Variants in PCDH11X observed in about 807,000 individuals in gnomAD.
PCDH11X encodes the protein protocadherin-11 X-linked.
Under a neutral mutation model 53.3 loss-of-function variants are expected in PCDH11X, and 18 were observed. The ratio of observed to expected loss-of-function variants is 0.34; its 90% CI spans 0.23 to 0.50. The LOEUF (loss-of-function observed/expected upper bound fraction) is 0.50. Ranked by LOEUF, PCDH11X falls within the 20% of genes least tolerant of loss-of-function variation. PCDH11X has a pLI of 0.98. For synonymous variants in PCDH11X, 279 were observed against 393.3 expected, an observed-to-expected ratio of 0.71 and a Z score of 3.44; for missense variants, 570 against 1,032.4, an observed-to-expected ratio of 0.55 and a Z score of 6.14.
At chrX:92,165,483 C>T (rs1385670571) in intron 6 of PCDH11X, among the ~76,000 whole-genome samples, 11 of 111,524 alleles carry the variant, frequency 9.9e-5, no homozygotes, top group Non-Finnish European at 1.9e-5. Flanking sequence ...TTTTTCTTTG[C>T]TCTATTACAT....
At position 92,142,144 on chromosome X, in the gene PCDH11X, A is replaced by G. The variant is rs1180968515; in HGVS notation, c.3034-59231A>G. Among the ~76,000 whole-genome samples, 4 of 107,511 alleles carry G rather than the reference A, an allele frequency of 3.7e-5. No individual in the cohort carries two copies. The East Asian group carries it at 8.6e-4, about 23-fold the overall frequency. The allele number at this position is 107,511 out of a possible 115,157, so 93.4% of individuals were successfully genotyped here. A position where few individuals can be genotyped will look rare whatever the true frequency, so the allele number is the denominator to read the frequency against. The stretch of plus-strand genomic sequence containing the variant: ...TAGGTGCTTCAGGTAAACAAGTGCT[A>G]AATTATTATTATTATTTTTTTTTTT... On this transcript the variant is annotated intron_variant, in intron 6 of 10. Transcript: ENST00000682573.
intron 6 of PCDH11X, among the ~76,000 whole-genome samples, chrX:91,913,463 G>T (rs1287871294): frequency 1.8e-5 from 2 of 110,982 alleles, no homozygotes; most frequent in Non-Finnish European, 1.9e-5. Flanking sequence ...GAGCTATACT[G>T]CACAGCAGAG....
intron 7 of PCDH11X, among the ~76,000 whole-genome samples, chrX:92,233,267 A>G (rs368984081): frequency 9.0e-6 from 1 of 111,265 alleles, no homozygotes; most frequent in East Asian, 2.8e-4. Context: ...AGTACCTGGA[A>G]ACACATAGTC....
At chrX:92,176,023 CA>C (rs2065904655) in intron 6 of PCDH11X, among the ~76,000 whole-genome samples, 1 of 110,120 alleles carries the variant, frequency 9.1e-6, no homozygotes, top group South Asian at 3.9e-4. Context: ...AAAATGAAAC[CA>C]GAACACAAAC....
At chrX:92,174,500 A>G (rs1418960600) in intron 6 of PCDH11X, among the ~76,000 whole-genome samples, 2 of 111,692 alleles carry the variant, frequency 1.8e-5, no homozygotes, top group Non-Finnish European at 3.8e-5. Flanking sequence ...CATGGATATT[A>G]ATGGTATATG....
chrX:91,825,961 G>C (rs1421460637), intron 4 of PCDH11X, among the ~76,000 whole-genome samples: 13 of 108,341 alleles, frequency 1.2e-4, no homozygotes, highest in Non-Finnish European at 2.3e-4. Flanking sequence ...GTTGTCTTGA[G>C]AAACGTCTAA....
Position 92,331,560 on chromosome X carries a change from A to C in PCDH11X, c.3145-56175A>C, listed in dbSNP as rs1363139374. On this transcript the variant is annotated intron_variant, in intron 8 of 10. Transcript: ENST00000682573. ...TCGTTGGGAAAAAAATATGAATATA[A>C]AAAAGGAAATAGTATAGTCAATACA... is the stretch of plus-strand genomic sequence containing the variant. Among the ~76,000 whole-genome samples the C allele has an allele frequency of 3.4e-4, 37 of 109,168 alleles. 1 individual carries two copies. The highest frequency in any genetic ancestry group is 4.8e-3 in the Middle Eastern group (1 of 209). 94.8% of individuals were successfully genotyped at this position (109,168 alleles called of 115,157 possible). A position where few individuals can be genotyped will look rare whatever the true frequency, so the allele number is the denominator to read the frequency against.
At chrX:92,275,083 T>C (rs1252819656) in intron 8 of PCDH11X, among the ~76,000 whole-genome samples, 2 of 101,509 alleles carry the variant, frequency 2.0e-5, no homozygotes, top group African/African-American at 7.1e-5. Context: ...TTATGAGAAA[T>C]GTAGAGAGTG....
At chrX:92,418,744 A>G (rs2071877941) in intron 9 of PCDH11X, among the ~76,000 whole-genome samples, 1 of 108,341 alleles carries the variant, frequency 9.2e-6, no homozygotes, top group Non-Finnish European at 1.9e-5. Flanking sequence ...CACACACACC[A>G]CTATGCCTGG....
At position 92,618,510 on chromosome X, in the gene PCDH11X, T is replaced by C. The variant is rs375029962; in HGVS notation, c.3614T>C (p.Ile1205Thr). Residue 1205 changes from isoleucine (I) to threonine (T), a missense_variant, in exon 11 of 11, where the codon ATC (isoleucine) becomes ACC (threonine). Coordinates refer to ENST00000682573, the MANE Select transcript of PCDH11X (RefSeq NM_032968.5). ...CACAGCCCTCCAGTGACACAGACCA[T>C]CGCATTGTGCCACAGCCCACCACCG... ...LCHSPPVTQT[I>T]ALCHSPPPIQ... 25 of 1,209,223 alleles carry C rather than the reference T, an allele frequency of 2.1e-5. No homozygotes were observed. The African/African-American group carries it at 4.0e-4, about 20-fold the overall frequency.
At chrX:92,558,257 G>A (rs1349775831) in intron 10 of PCDH11X, among the ~76,000 whole-genome samples, 4 of 110,130 alleles carry the variant, frequency 3.6e-5, no homozygotes, top group Non-Finnish European at 7.6e-5. Context: ...CCATCATAAC[G>A]CAGGTTGAGT....
At chrX:92,276,386 G>A (rs1018262230) in intron 8 of PCDH11X, among the ~76,000 whole-genome samples, 1 of 109,348 alleles carries the variant, frequency 9.1e-6, no homozygotes, top group Non-Finnish European at 1.9e-5. Flanking sequence ...GAGTTCCAGG[G>A]GCTCTGGGAG....
chrX:91,973,748 G>T (rs1418903442), intron 6 of PCDH11X, among the ~76,000 whole-genome samples: 2 of 104,953 alleles, frequency 1.9e-5, no homozygotes, highest in Non-Finnish European at 3.9e-5. Context: ...CCAAGTAGCT[G>T]GGATTATAGG....
intron 6 of PCDH11X, among the ~76,000 whole-genome samples, chrX:91,936,439 C>T (rs1328977721): frequency 4.6e-5 from 5 of 109,169 alleles, no homozygotes; most frequent in African/African-American, 1.3e-4. Flanking sequence ...ACACATTTGA[C>T]CACTTGTAAT....
At chrX:92,222,500 C>A (rs2066900515) in intron 7 of PCDH11X, among the ~76,000 whole-genome samples, 1 of 111,568 alleles carries the variant, frequency 9.0e-6, no homozygotes, top group African/African-American at 3.3e-5. Context: ...GCATCCCGAT[C>A]TCCCTACAGT....
intron 10 of PCDH11X, among the ~76,000 whole-genome samples, chrX:92,489,447 CA>C (rs1352447585): frequency 3.6e-5 from 4 of 110,643 alleles, no homozygotes; most frequent in African/African-American, 1.3e-4. Flanking sequence ...CTTGCATATT[CA>C]TTTACCACAG....
rs1940439185 is a variant in PCDH11X, at chrX:91,890,741, T to C, written c.3033+11468T>C. Reference sequence around the variant, plus strand: ...GAAAGAAGTAGTTCTCTGTTAGTCTTCTGTACAATGTCAGATTTGCTGTTT... The same window carrying C: ...GAAAGAAGTAGTTCTCTGTTAGTCTCCTGTACAATGTCAGATTTGCTGTTT... On this transcript the variant is annotated intron_variant, in intron 6 of 10. Transcript: ENST00000682573. Among the ~76,000 whole-genome samples, 4 of 109,889 alleles carry C rather than the reference T, an allele frequency of 3.6e-5. No homozygotes were observed. The South Asian group carries it at 1.5e-3, about 43-fold the overall frequency.
intron 8 of PCDH11X, among the ~76,000 whole-genome samples, chrX:92,353,223 T>A (rs765029632): frequency 3.4e-4 from 38 of 112,249 alleles, no homozygotes; most frequent in African/African-American, 1.2e-3. Context: ...AAAATTGGCA[T>A]CTTCCTCTAG....
intron 6 of PCDH11X, among the ~76,000 whole-genome samples, chrX:92,141,738 A>G (rs2065183057): frequency 8.9e-6 from 1 of 111,972 alleles, no homozygotes; most frequent in Non-Finnish European, 1.9e-5. Flanking sequence ...TAATACATCT[A>G]TTATGTGTAT....
Sources: gnomAD v4.1 joint callset for allele counts (sites outside exome capture counted in the v4.1 genomes callset) on GRCh38, gnomAD v4.1.1 for gene constraint, MANE v1.5 for transcripts, NCBI Gene and HGNC (gene_info 2026-07-23, HGNC 2026-07-21) for gene names.